Variants in TRMT2B observed in about 807,000 individuals in gnomAD.
TRMT2B encodes the protein tRNA (uracil-5-)-methyltransferase homolog B.
Under a neutral mutation model 39.7 loss-of-function variants are expected in TRMT2B, and 34 were observed. The ratio of observed to expected loss-of-function variants is 0.86; its 90% confidence interval spans 0.65 to 1.14. The LOEUF (loss-of-function observed/expected upper bound fraction) is 1.14. TRMT2B is among the 50% of genes most tolerant of loss of function. The pLI is 0.00. For synonymous variants in TRMT2B, 132 were observed against 137.3 expected, an observed-to-expected ratio of 0.96 and a Z score of 0.27; for missense variants, 318 against 377.2, an observed-to-expected ratio of 0.84 and a Z score of 1.30.
chrX:101,025,435 C>G (rs764825593), intron 7 of TRMT2B, among the ~76,000 whole-genome samples: 1 of 111,489 alleles, frequency 9.0e-6, no homozygotes, highest in Non-Finnish European at 1.9e-5. Flanking sequence ...GAAACACCAT[C>G]TGATTTACTA....
intron 7 of TRMT2B, among the ~76,000 whole-genome samples, chrX:101,030,438 T>G (rs1369787704): frequency 9.7e-6 from 1 of 103,241 alleles, no homozygotes; most frequent in Non-Finnish European, 2.0e-5. Flanking sequence ...AGGAAAAGCC[T>G]ATATAGATCT....
At chrX:101,005,991 T>C (rs2097517), downstream of TRMT2B, among the ~76,000 whole-genome samples, 48,593 of 105,023 alleles carry the variant, frequency 0.46, 8,984 homozygotes, top group African/African-American at 0.66. Context: ...GAGGCCGAGG[T>C]GGGTGGATCA....
intron 1 of TRMT2B, 34 bp downstream of exon 1, chrX:101,051,783 C>T: frequency 1.6e-6 from 1 of 623,841 alleles, no homozygotes; most frequent in Non-Finnish European, 1.9e-6. Context: ...ATCCACCTTA[C>T]CTTCCTTCGT....
Position 101,010,316 on chromosome X carries a change from G to A in TRMT2B, c.*265C>T. The A allele has an allele frequency of 3.7e-6, 1 of 266,849 alleles. No homozygotes were observed. The highest frequency in any genetic ancestry group is 5.4e-5 in the Admixed American group (1 of 18,542). 22.0% of individuals were successfully genotyped at this position (266,849 alleles called of 1,213,427 possible). A position where few individuals can be genotyped will look rare whatever the true frequency, so the allele number is the denominator to read the frequency against. On this transcript the variant is annotated 3_prime_UTR_variant, in exon 14 of 14. Coordinates refer to ENST00000372936, the MANE Select transcript of TRMT2B (RefSeq NM_024917.6). Reference sequence around the variant, plus strand: ...AATCCTAGCTACTGGGGAAGCTGAGGCACGAGAATCACTTGAACCCGGGAG... The same window carrying A: ...AATCCTAGCTACTGGGGAAGCTGAGACACGAGAATCACTTGAACCCGGGAG...
rs1399677602 is a variant in TRMT2B at position 101,036,965 on chromosome X, T to C, written c.538+9A>G. ...CTTCAGTCTTTGGTTTATACAACCTTCAACTGACCTCTCCAAGTTCCCAGG... is the reference window on the plus strand; with the variant it reads ...CTTCAGTCTTTGGTTTATACAACCTCCAACTGACCTCTCCAAGTTCCCAGG... On this transcript the variant is annotated intron_variant, in intron 6 of 13. Transcript: ENST00000372936. 2.5e-6 allele frequency: 3 copies of C among 1,186,670 alleles called. No individual in the cohort carries two copies. Among genetic ancestry groups the C allele is most frequent in the Non-Finnish European group, 3.4e-6 (3 of 874,005 alleles).
Position 101,021,047 on chromosome X carries a change from C to A in TRMT2B, c.1066+54G>T, listed in dbSNP as rs1306473524. The A allele has an allele frequency of 7.1e-6, 8 of 1,121,930 alleles. No homozygotes were observed. The East Asian group carries it at 2.4e-4, about 34-fold the overall frequency. The allele number at this position is 1,121,930 out of a possible 1,213,427, so 92.5% of individuals were successfully genotyped here. A position where few individuals can be genotyped will look rare whatever the true frequency, so the allele number is the denominator to read the frequency against. On this transcript the variant is annotated intron_variant, in intron 10 of 13. Transcript: ENST00000372936. ...TCTCCCCGACCACCTCCGCAAGCTA[C>A]AAGGGCCTTGGGAGCTGAGCAGCAT...
intron 2 of TRMT2B, among the ~76,000 whole-genome samples, chrX:101,049,176 T>C (rs1441508394): frequency 9.0e-6 from 1 of 111,230 alleles, no homozygotes; most frequent in African/African-American, 3.3e-5. Context: ...TGGCCTGTGC[T>C]GGACTACCTG....
At chrX:101,009,229 C>T (rs1318606760), downstream of TRMT2B, 2 of 112,173 alleles carry the variant, frequency 1.8e-5, no homozygotes, top group African/African-American at 6.5e-5. Context: ...TCAGACAACA[C>T]TTACTAAGTT....
the TRMT2B span, chrX:100,985,622 G>A: frequency 8.5e-7 from 1 of 1,175,271 alleles, no homozygotes; most frequent in East Asian, 3.0e-5. Context: ...TGAGTATGGA[G>A]TTTCGATCTA....
intron 9 of TRMT2B, 70 bp from the exon 10 acceptor site, chrX:101,021,385 T>C (rs375679250): frequency 5.1e-6 from 5 of 983,748 alleles, no homozygotes; most frequent in East Asian, 6.2e-5. Context: ...TCCCAGCACT[T>C]TGGGAGGCCG....
rs752873401 is a variant in TRMT2B at position 101,018,958 on chromosome X, A to C, written c.1388+13T>G. 8.8e-7 allele frequency: 1 copy of C among 1,137,783 alleles called. No individual in the cohort carries two copies. The highest frequency in any genetic ancestry group is 1.8e-5 in the South Asian group (1 of 55,236). 93.8% of individuals were successfully genotyped at this position (1,137,783 alleles called of 1,213,427 possible). A position where few individuals can be genotyped will look rare whatever the true frequency, so the allele number is the denominator to read the frequency against. ...ATCAGAACAAAAAATTTTAAACAGA[A>C]GTCAAGACTTACTCAATGACATTCC... is the stretch of plus-strand genomic sequence containing the variant. On this transcript the variant is annotated intron_variant, in intron 13 of 13. Coordinates refer to ENST00000372936, the MANE Select transcript of TRMT2B (RefSeq NM_024917.6).
chrX:100,980,119 C>T, the TRMT2B span, among the ~76,000 whole-genome samples: 85 of 110,982 alleles, frequency 7.7e-4, no homozygotes, highest in Non-Finnish European at 1.4e-3. Context: ...GATATTTATT[C>T]AAGGCCCAAG....
chrX:101,035,391 T>C (rs1047090501), intron 7 of TRMT2B, among the ~76,000 whole-genome samples: 1 of 111,937 alleles, frequency 8.9e-6, no homozygotes. Context: ...CTTAGATGCC[T>C]GATACTTACA....
chrX:101,017,770 G>T (rs186230453), intron 13 of TRMT2B, among the ~76,000 whole-genome samples: 233 of 112,048 alleles, frequency 2.1e-3, no homozygotes, highest in Non-Finnish European at 3.5e-3. Context: ...CAGCCTACAG[G>T]CTAGCCACTT....
chrX:101,041,210 A>T (rs2088217452), intron 4 of TRMT2B, 107 bp downstream of exon 4: 6 of 730,066 alleles, frequency 8.2e-6, no homozygotes, highest in Non-Finnish European at 1.2e-5. Context: ...TCTCAAAAAA[A>T]CTTAAAATTA....
chrX:100,984,175 G>A, the TRMT2B span, among the ~76,000 whole-genome samples: 5 of 107,680 alleles, frequency 4.6e-5, no homozygotes, highest in East Asian at 2.9e-4. Flanking sequence ...GTGCAGTGGC[G>A]TAATCTCAGC....
downstream of TRMT2B, among the ~76,000 whole-genome samples, chrX:101,005,017 C>A (rs184203620): frequency 3.6e-5 from 4 of 110,887 alleles, no homozygotes; most frequent in East Asian, 1.1e-3. Context: ...TCAGACAAAT[C>A]CATAATGTGG....
At chrX:101,028,181 C>T (rs192206546) in intron 7 of TRMT2B, among the ~76,000 whole-genome samples, 54 of 99,079 alleles carry the variant, frequency 5.5e-4, no homozygotes, top group African/African-American at 6.8e-4. Context: ...TGCAGTGGCG[C>T]GGTTTAGGCT....
intron 7 of TRMT2B, among the ~76,000 whole-genome samples, chrX:101,033,633 C>T (rs1188112487): frequency 9.1e-6 from 1 of 109,592 alleles, no homozygotes; most frequent in Non-Finnish European, 1.9e-5. Flanking sequence ...AGAAAGAAAA[C>T]AAAGCAAATG....
Sources: allele counts gnomAD v4.1 joint callset (sites outside exome capture counted in the v4.1 genomes callset), GRCh38; gene constraint gnomAD v4.1.1; transcripts MANE v1.5; gene names NCBI Gene and HGNC (gene_info 2026-07-23, HGNC 2026-07-21).